Variants in PPM1L observed in about 807,000 individuals in gnomAD.
PPM1L encodes protein phosphatase 1L.
Under a neutral mutation model 31.4 loss-of-function variants are expected in PPM1L, and 13 were observed. That is an observed-to-expected ratio of 0.41 (90% CI 0.27 to 0.66). PPM1L has a LOEUF of 0.66. PPM1L is among the 30% of genes least tolerant of loss of function. The pLI, the probability that PPM1L is intolerant of heterozygous loss-of-function variation, is 0.29. For synonymous variants in PPM1L, 184 were observed against 175.4 expected (o/e 1.05, Z -0.39); for missense variants, 326 against 453.7 (o/e 0.72, Z 2.56).
chr3:160,928,867 A>G lies in PPM1L; in HGVS notation c.400-32869A>G, dbSNP rs139168343. On this transcript the variant is annotated intron_variant, in intron 1 of 3. Coordinates refer to ENST00000498165, the MANE Select transcript of PPM1L (RefSeq NM_139245.4). ...GCCTCCCAGTTTCCAGAACTATGAG[A>G]TAATAAATTTGATTTATAAAATGCT... Among the ~76,000 whole-genome samples the G allele has an allele frequency of 2.6e-3, 390 of 152,220 alleles. 1 individual carries two copies. The highest frequency in any genetic ancestry group is 9.0e-3 in the African/African-American group (375 of 41,550).
chr3:161,043,870 A>G (rs1038026231), intron 2 of PPM1L, among the ~76,000 whole-genome samples: 4 of 151,638 alleles, frequency 2.6e-5, no homozygotes, highest in African/African-American at 9.7e-5. Flanking sequence ...AAAGTGATCA[A>G]CTCCTCCCAC....
At chr3:161,023,240 G>A (rs933522620) in intron 2 of PPM1L, among the ~76,000 whole-genome samples, 1 of 150,918 alleles carries the variant, frequency 6.6e-6, no homozygotes, top group African/African-American at 2.4e-5. Context: ...CTTGGAATTT[G>A]TTGAGGTTCT....
chr3:160,791,046 T>C (rs1712090000), intron 1 of PPM1L, among the ~76,000 whole-genome samples: 1 of 152,126 alleles, frequency 6.6e-6, no homozygotes, highest in African/African-American at 2.4e-5. Context: ...CTTGTAAACA[T>C]TCTCACTGGC....
chr3:160,776,604 C>CTTTTTTTT (rs72051944), intron 1 of PPM1L, among the ~76,000 whole-genome samples: 6 of 132,960 alleles, frequency 4.5e-5, no homozygotes, highest in Admixed American at 7.4e-5. Context: ...ACCTTGGTGC[C>CTTTTTTTT]TTTTTTTTTT....
chr3:160,903,797 C>T (rs1026321769), intron 1 of PPM1L, among the ~76,000 whole-genome samples: 4 of 149,902 alleles, frequency 2.7e-5, no homozygotes, highest in African/African-American at 4.9e-5. Flanking sequence ...CGTCTATATT[C>T]CAATGGAAGA....
intron 1 of PPM1L, among the ~76,000 whole-genome samples, chr3:160,919,978 ACACTGTATTGC>A (rs1241932096): frequency 6.6e-6 from 1 of 152,080 alleles, no homozygotes; most frequent in African/African-American, 2.4e-5. Flanking sequence ...CTCCCCTGCA[ACACTGTATTGC>A]CTTGGACTCC....
rs1257892006 is a variant in PPM1L at position 160,860,085 on chromosome 3, T to C, written c.400-101651T>C. On this transcript the variant is annotated intron_variant, in intron 1 of 3. Coordinates refer to ENST00000498165, the MANE Select transcript of PPM1L (RefSeq NM_139245.4). ...AGCCTAACTAATTTAGTGAGTGTCATTGGTGATTTGTAGAAGAAGCAACAG... is the reference window on the plus strand; with the variant it reads ...AGCCTAACTAATTTAGTGAGTGTCACTGGTGATTTGTAGAAGAAGCAACAG... Among the ~76,000 whole-genome samples the C allele has an allele frequency of 2.0e-5, 3 of 152,170 alleles. No homozygotes were observed. The East Asian group carries it at 5.8e-4, about 29-fold the overall frequency.
intron 2 of PPM1L, among the ~76,000 whole-genome samples, chr3:161,064,277 G>C (rs974489710): frequency 6.6e-6 from 1 of 151,076 alleles, no homozygotes; most frequent in Non-Finnish European, 1.5e-5. Context: ...TGAGGTGGGG[G>C]AATTGCTTGA....
At chr3:160,967,805 A>G (rs989874982) in intron 2 of PPM1L, among the ~76,000 whole-genome samples, 3 of 152,112 alleles carry the variant, frequency 2.0e-5, no homozygotes, top group Non-Finnish European at 4.4e-5. Flanking sequence ...CTCTACTGCC[A>G]ACCATATACG....
At chr3:161,015,128 C>T (rs1454877014) in intron 2 of PPM1L, among the ~76,000 whole-genome samples, 1 of 152,064 alleles carries the variant, frequency 6.6e-6, no homozygotes, top group Non-Finnish European at 1.5e-5. Context: ...CTCTTAACAC[C>T]ACTCACACAC....
chr3:161,001,086 A>G (rs1717464540), intron 2 of PPM1L, among the ~76,000 whole-genome samples: 1 of 152,172 alleles, frequency 6.6e-6, no homozygotes, highest in Admixed American at 6.6e-5. Flanking sequence ...GTAAATAACT[A>G]ATATTTCTGA....
At chr3:160,941,370 G>A (rs1715155829) in intron 1 of PPM1L, among the ~76,000 whole-genome samples, 1 of 152,150 alleles carries the variant, frequency 6.6e-6, no homozygotes, top group African/African-American at 2.4e-5. Flanking sequence ...GGGGCAGAAT[G>A]ACATGCTTGG....
intron 1 of PPM1L, among the ~76,000 whole-genome samples, chr3:160,857,640 A>G (rs1450930822): frequency 4.6e-5 from 7 of 152,120 alleles, no homozygotes; most frequent in Admixed American, 1.3e-4. Context: ...TATCTATTCT[A>G]TATTAGTCTT....
At chr3:160,842,161 A>G in intron 1 of PPM1L, 1 of 669,388 alleles carries the variant, frequency 1.5e-6, no homozygotes, top group East Asian at 2.7e-5. Flanking sequence ...GCATCCTGAA[A>G]TAGTTGGGGA....
chr3:160,873,903 A>G (rs1012716174), intron 1 of PPM1L, among the ~76,000 whole-genome samples: 2 of 152,170 alleles, frequency 1.3e-5, no homozygotes, highest in Non-Finnish European at 2.9e-5. Flanking sequence ...CTTTATTCCA[A>G]ATTAAAACCT....
rs770984784 is a variant in PPM1L at position 161,065,379 on chromosome 3, TTCTC to T, written c.575-16_575-13del. The T allele has an allele frequency of 1.8e-5, 29 of 1,609,370 alleles. No individual in the cohort carries two copies. Among genetic ancestry groups the T allele is most frequent in the African/African-American group, 1.2e-4 (9 of 74,764 alleles). ...CTGAATGCACTGCTGACCTCCCGCGTTCTCTCTCTCTTCTATTTTTCAGGCACAA... is the reference window on the plus strand; with the variant it reads ...CTGAATGCACTGCTGACCTCCCGCGTTCTCTCTTCTATTTTTCAGGCACAA... On this transcript the variant is annotated intron_variant, in intron 2 of 3. Transcript: ENST00000498165.
chr3:161,009,839 C>T (rs1717832438), intron 2 of PPM1L, among the ~76,000 whole-genome samples: 1 of 152,072 alleles, frequency 6.6e-6, no homozygotes, highest in African/African-American at 2.4e-5. Context: ...AACATTTTGA[C>T]TTGCTCTATA....
Position 160,756,752 on chromosome 3 carries a change from CGTGTGTGTGTGTGTGT to C in PPM1L, c.399+68_399+83del, listed in dbSNP as rs113273287. 70 of 1,016,702 alleles carry C rather than the reference CGTGTGTGTGTGTGTGT, an allele frequency of 6.9e-5. No homozygotes were observed. Among genetic ancestry groups the C allele is most frequent in the Middle Eastern group, 2.7e-4 (1 of 3,764 alleles). 63.0% of individuals were successfully genotyped at this position (1,016,702 alleles called of 1,614,324 possible). ...TTTGTATTTGTGTCCGTGTATGTCT[CGTGTGTGTGTGTGTGT>C]GTGTGTGTGTGTGTGTGTGTGTATA... On this transcript the variant is annotated intron_variant, in intron 1 of 3. Transcript: ENST00000498165. The surrounding 1 kb of genome is among the most constrained non-coding windows in gnomAD (Gnocchi z 6.2).
chr3:160,865,960 G>T (rs1284186331), intron 1 of PPM1L, among the ~76,000 whole-genome samples: 1 of 152,184 alleles, frequency 6.6e-6, no homozygotes, highest in East Asian at 1.9e-4. Context: ...CTTAGCATCA[G>T]AAGTTGTCAG....
Sources: gnomAD v4.1 joint callset for allele counts (sites outside exome capture counted in the v4.1 genomes callset) on GRCh38, gnomAD v4.1.1 for gene constraint, Gnocchi (gnomAD v3.1) non-coding constraint, MANE v1.5 for transcripts, NCBI Gene and HGNC (gene_info 2026-07-23, HGNC 2026-07-21) for gene names.